BMP8B: variants seen among roughly 807,000 people sequenced by gnomAD.
BMP8B encodes bone morphogenetic protein 8b, also known as bone morphogenetic protein 8 (osteogenic protein 2).
BMP8B carries 17 observed loss-of-function variants against 30.3 expected under a neutral mutation model. The observed-to-expected ratio is 0.56, with a 90% CI of 0.38 to 0.84. The LOEUF is 0.84. BMP8B is among the 40% of genes least tolerant of loss of function. BMP8B has a pLI of 0.00. For missense variants in BMP8B, 253 were observed against 494.6 expected (o/e 0.51, Z 4.63); for synonymous variants, 131 against 214.7 (o/e 0.61, Z 3.41).
At chr1:39,787,913 G>T (rs2124522222) in intron 1 of BMP8B, among the ~76,000 whole-genome samples, 2 of 152,332 alleles carry the variant, frequency 1.3e-5, no homozygotes, top group African/African-American at 4.8e-5. Context: ...TTTGGGGCAG[G>T]GTGAAGGCAG....
chr1:39,780,910 G>A (rs549320225), intron 1 of BMP8B, among the ~76,000 whole-genome samples: 1 of 152,314 alleles, frequency 6.6e-6, no homozygotes, highest in African/African-American at 2.4e-5. Flanking sequence ...CGGGAGCCAT[G>A]CCTCCTCTCC....
chr1:39,761,715 A>T (rs1649007719), intron 6 of BMP8B, among the ~76,000 whole-genome samples: 1 of 152,072 alleles, frequency 6.6e-6, no homozygotes. Flanking sequence ...TTCTGCTGGA[A>T]CATTCCTCCT....
rs1481551831 is a variant in BMP8B at position 39,788,120 on chromosome 1, C to A, written c.334+32G>T. 4 of 1,534,210 alleles carry A rather than the reference C, an allele frequency of 2.6e-6. No homozygotes were observed. The highest frequency in any genetic ancestry group is 1.5e-5 in the African/African-American group (1 of 67,368). Reference sequence around the variant, plus strand: ...GCCCCTCCCCTGCAGCCAGCTTACTCCGAGGGTCCCCGCGCGGGCGGCCGC... The same window carrying A: ...GCCCCTCCCCTGCAGCCAGCTTACTACGAGGGTCCCCGCGCGGGCGGCCGC... On this transcript the variant is annotated intron_variant, in intron 1 of 6. Transcript: ENST00000372827. This position sits in a 1 kb window ranked among gnomAD's most constrained non-coding sequence, Gnocchi z 5.8.
chr1:39,785,393 G>A (rs1465129351), intron 1 of BMP8B, among the ~76,000 whole-genome samples: 1 of 150,658 alleles, frequency 6.6e-6, no homozygotes, highest in Admixed American at 6.6e-5. Flanking sequence ...GGCCAGGCAG[G>A]GCCCCGGCTC....
At position 39,762,921 on chromosome 1, in the gene BMP8B, G is replaced by A. The variant is rs114513280; in HGVS notation, c.1059+171C>T. ...GTCTACGTGTAGTGTGGCTGTATAA[G>A]GACCAGTTCCTGCAGAGCTGTGGGA... On this transcript the variant is annotated intron_variant, in intron 6 of 6. Transcript: ENST00000372827. 9.2e-4 allele frequency among the ~76,000 whole-genome samples: 140 copies of A among 152,340 alleles called. 1 individual carries two copies. The highest frequency in any genetic ancestry group is 3.2e-3 in the African/African-American group (131 of 41,564).
intron 6 of BMP8B, chr1:39,761,298 G>A (rs1648933463): frequency 6.5e-6 from 1 of 152,844 alleles, no homozygotes; most frequent in African/African-American, 2.4e-5. Flanking sequence ...CCTTCCCTGG[G>A]AGCAGCCCCT....
chr1:39,763,065 G>C, intron 6 of BMP8B, 27 bp downstream of exon 6: 1 of 1,609,862 alleles, frequency 6.2e-7, no homozygotes. Flanking sequence ...ACCCCAGGGG[G>C]CTGGGCAGGA....
At chr1:39,762,698 C>T (rs1649161401) in intron 6 of BMP8B, 8 of 1,475,814 alleles carry the variant, frequency 5.4e-6, no homozygotes, top group Admixed American at 2.6e-5. Flanking sequence ...ACACATATCA[C>T]GGGCGGTCAG....
chr1:39,777,733 C>T (rs1437243239), intron 1 of BMP8B, among the ~76,000 whole-genome samples: 1 of 152,224 alleles, frequency 6.6e-6, no homozygotes, highest in Non-Finnish European at 1.5e-5. Flanking sequence ...GCCTGTGACC[C>T]ATCCCACCTC....
intron 1 of BMP8B, among the ~76,000 whole-genome samples, chr1:39,779,743 C>T (rs1650496622): frequency 6.6e-6 from 1 of 152,232 alleles, no homozygotes; most frequent in Admixed American, 6.5e-5. Context: ...TGTCAGGCAC[C>T]ATGCTGGGCA....
intron 1 of BMP8B, among the ~76,000 whole-genome samples, chr1:39,776,373 G>T (rs1034156622): frequency 6.6e-6 from 1 of 152,210 alleles, no homozygotes; most frequent in Non-Finnish European, 1.5e-5. Flanking sequence ...GGTGGGAGCC[G>T]CCCAGTGCCT....
At chr1:39,786,731 T>C (rs1651006339) in intron 1 of BMP8B, among the ~76,000 whole-genome samples, 1 of 152,070 alleles carries the variant, frequency 6.6e-6, no homozygotes, top group Admixed American at 6.6e-5. Flanking sequence ...CTGTCCCACA[T>C]CCCCACCCTG....
At chr1:39,787,054 A>C (rs912252007) in intron 1 of BMP8B, among the ~76,000 whole-genome samples, 1 of 152,250 alleles carries the variant, frequency 6.6e-6, no homozygotes, top group Non-Finnish European at 1.5e-5. Flanking sequence ...ATGGACAGTC[A>C]GGCTTCCTGG....
rs370986141 is a variant in BMP8B, at chr1:39,763,781, G to A, written c.879C>T (p.His293=). 1.3e-4 allele frequency: 202 copies of A among 1,600,550 alleles called. 5 individuals are homozygous for A. The East Asian group carries it at 1.8e-3, about 15-fold the overall frequency. ...NRLPGIFDDV[H]GSHGRQVCRR... is the part of the protein sequence containing the mutation. ...GGCAGACCTGCCGGCCGTGGGAGCC[G>A]TGGACGTCATCTGCAGGGACAGAAG... The change falls in exon 5 of 7, where the codon CAC becomes CAT. Residue 293 remains histidine (H), a synonymous_variant. Transcript: ENST00000372827.
At position 39,758,719 on chromosome 1, in the gene BMP8B, TCACCTC is replaced by T. The variant is rs1648552862; in HGVS notation, c.*1694_*1699del. 1 of 152,278 alleles carries T rather than the reference TCACCTC, an allele frequency of 6.6e-6. No homozygotes were observed. The highest frequency in any genetic ancestry group is 2.4e-5 in the African/African-American group (1 of 41,460). 9.4% of individuals were successfully genotyped at this position (152,278 alleles called of 1,614,324 possible). ...GAAGCCACCTACAAGGCAGGTCTCT[TCACCTC>T]CAGGCCAGAGCTGAGATCCCTGTGC... On this transcript the variant is annotated 3_prime_UTR_variant, in exon 7 of 7. Coordinates refer to ENST00000372827, the MANE Select transcript of BMP8B (RefSeq NM_001720.5).
chr1:39,763,982 G>C, intron 4 of BMP8B, 191 bp from the exon 5 acceptor site: 1 of 699,430 alleles, frequency 1.4e-6, no homozygotes. Context: ...GCCTGCCATG[G>C]CTCCCAATGG....
intron 1 of BMP8B, among the ~76,000 whole-genome samples, chr1:39,783,629 T>C (rs1474841701): frequency 6.6e-6 from 1 of 152,176 alleles, no homozygotes; most frequent in Non-Finnish European, 1.5e-5. Context: ...AAGAAAACGC[T>C]GGGCACAGTG....
chr1:39,787,866 G>A (rs569672191), intron 1 of BMP8B, among the ~76,000 whole-genome samples: 2 of 152,304 alleles, frequency 1.3e-5, no homozygotes, highest in South Asian at 4.2e-4. Context: ...CAGCCCAGGT[G>A]GGCAAAGACA....
chr1:39,775,431 G>A (rs1382515944), intron 1 of BMP8B, among the ~76,000 whole-genome samples: 2 of 152,182 alleles, frequency 1.3e-5, no homozygotes, highest in East Asian at 1.9e-4. Context: ...AGGCAGAAAA[G>A]GGCCCCAGCC....
Sources: allele counts gnomAD v4.1 joint callset (sites outside exome capture counted in the v4.1 genomes callset), GRCh38; gene constraint gnomAD v4.1.1; non-coding constraint Gnocchi (gnomAD v3.1); transcripts MANE v1.5; gene names NCBI Gene and HGNC (gene_info 2026-07-23, HGNC 2026-07-21).